The following MAP6 variants were observed in gnomAD, a reference collection of about 807,000 sequenced individuals.
MAP6 encodes microtubule-associated protein 6.
In MAP6, 26 loss-of-function variants were observed where a neutral mutation model predicts 42.4. That is an observed-to-expected ratio of 0.61 (90% confidence interval 0.45 to 0.85). The LOEUF (loss-of-function observed/expected upper bound fraction) is 0.85, where lower values mean the gene tolerates loss of function less well. MAP6 is among the 40% of genes least tolerant of loss of function. The pLI is 0.00. For synonymous variants in MAP6, 418 were observed against 443.8 expected (o/e 0.94, Z 0.73); for missense variants, 966 against 1,099.0 (o/e 0.88, Z 1.71).
At chr11:75,623,805 G>A (rs536948377) in intron 1 of MAP6, among the ~76,000 whole-genome samples, 1 of 152,292 alleles carries the variant, frequency 6.6e-6, no homozygotes, top group South Asian at 2.1e-4. Flanking sequence ...TGCCTCCCGG[G>A]TTCAAGCAAT....
chr11:75,645,021 A>T (rs1025252857), intron 1 of MAP6, among the ~76,000 whole-genome samples: 4 of 152,208 alleles, frequency 2.6e-5, no homozygotes, highest in African/African-American at 9.7e-5. Flanking sequence ...CCACAGACCT[A>T]GGCATGGATT....
intron 1 of MAP6, among the ~76,000 whole-genome samples, chr11:75,634,937 C>T (rs1943344463): frequency 6.6e-6 from 1 of 152,150 alleles, no homozygotes; most frequent in Admixed American, 6.5e-5. Flanking sequence ...TAATTACCAA[C>T]ATTGTAATTA....
intron 3 of MAP6, among the ~76,000 whole-genome samples, chr11:75,590,549 C>A (rs1942459474): frequency 6.6e-6 from 1 of 152,170 alleles, no homozygotes; most frequent in Non-Finnish European, 1.5e-5. Flanking sequence ...GAGCTAGCCT[C>A]AACTTTGCAT....
chr11:75,600,331 G>A (rs557454779), intron 3 of MAP6, among the ~76,000 whole-genome samples: 4 of 152,296 alleles, frequency 2.6e-5, no homozygotes, highest in East Asian at 1.9e-4. Context: ...TTCCACTCAC[G>A]AACTTTGTAA....
intron 1 of MAP6, among the ~76,000 whole-genome samples, chr11:75,635,052 T>TCGGTGAAC (rs1943346210): frequency 6.6e-6 from 1 of 152,186 alleles, no homozygotes; most frequent in South Asian, 2.1e-4. Flanking sequence ...TCTGTGAAAG[T>TCGGTGAAC]CGGTGAACCG....
At position 75,668,052 on chromosome 11, in the gene MAP6, CGGGCCCGGCCCGCTCCGGCCG is replaced by C; in HGVS notation, c.297_317del (p.Arg101_Gly107del). 1.6e-6 allele frequency: 2 copies of C among 1,225,378 alleles called. No homozygotes were observed. Among genetic ancestry groups the C allele is most frequent in the East Asian group, 6.5e-5 (2 of 30,810 alleles). 75.9% of individuals were successfully genotyped at this position (1,225,378 alleles called of 1,614,324 possible). A position where few individuals can be genotyped will look rare whatever the true frequency, so the allele number is the denominator to read the frequency against. ...CGGAGGTGGAGCCGGAGCCCAGGCC[CGGGCCCGGCCCGCTCCGGCCG>C]GGGCCCGCCGCCGGCTCGCGCTCGC... is the stretch of plus-strand genomic sequence containing the variant. On this transcript the variant is annotated inframe_deletion, in exon 1 of 4. Transcript: ENST00000304771.
chr11:75,610,396 T>C (rs1241771986), intron 1 of MAP6, among the ~76,000 whole-genome samples: 3 of 152,210 alleles, frequency 2.0e-5, no homozygotes, highest in Non-Finnish European at 4.4e-5. Context: ...TCACGAAATA[T>C]GTACTGAGTG....
At chr11:75,598,173 T>A (rs941316092) in intron 3 of MAP6, among the ~76,000 whole-genome samples, 1 of 152,262 alleles carries the variant, frequency 6.6e-6, no homozygotes, top group Non-Finnish European at 1.5e-5. Context: ...GGGAACCAAA[T>A]ATATTCGAAG....
Position 75,667,454 on chromosome 11 carries a change from C to T in MAP6, c.905+11G>A. On this transcript the variant is annotated intron_variant, in intron 1 of 3. Transcript: ENST00000304771. This position sits in a 1 kb window ranked among gnomAD's most constrained non-coding sequence, Gnocchi z 5.6. ...GGTGACTCCCCCGCGCTAGCAGCGG[C>T]CGCGTCTCACCTGTAGGAGCTGCTC... 6.8e-7 allele frequency: 1 copy of T among 1,473,510 alleles called. No individual in the cohort carries two copies. The highest frequency in any genetic ancestry group is 8.9e-7 in the Non-Finnish European group (1 of 1,119,538). 91.3% of individuals were successfully genotyped at this position (1,473,510 alleles called of 1,614,324 possible). A position where few individuals can be genotyped will look rare whatever the true frequency, so the allele number is the denominator to read the frequency against.
intron 2 of MAP6, chr11:75,607,148 G>A (rs1942794802): frequency 1.2e-6 from 1 of 859,282 alleles, no homozygotes; most frequent in Non-Finnish European, 1.4e-6. Context: ...GAGGTTTCCT[G>A]GAACACAGAA....
At chr11:75,646,639 A>G (rs1943558384) in intron 1 of MAP6, among the ~76,000 whole-genome samples, 1 of 151,966 alleles carries the variant, frequency 6.6e-6, no homozygotes, top group African/African-American at 2.4e-5. Flanking sequence ...CATCTCTACT[A>G]AAAACACAAA....
chr11:75,605,830 T>G lies in MAP6; in HGVS notation c.1294A>C (p.Asn432His). The change falls in exon 3 of 4, where the codon AAT becomes CAT. Residue 432 changes from asparagine (N) to histidine (H), a missense_variant. Transcript: ENST00000304771. ...TACTCTTTCGCCTCAGCCAGTTTAT[T>G]GTTCATCTCTTTGCTTTGCTCCTTG... ...DDKEQSKEMN[N>H]KLAEAKESLA... 3 of 1,614,184 alleles carry G rather than the reference T, an allele frequency of 1.9e-6. No homozygotes were observed. The highest frequency in any genetic ancestry group is 2.5e-6 in the Non-Finnish European group (3 of 1,180,040).
chr11:75,651,440 C>T (rs891177787), intron 1 of MAP6, among the ~76,000 whole-genome samples: 4 of 152,118 alleles, frequency 2.6e-5, no homozygotes, highest in African/African-American at 9.7e-5. Context: ...TGGTAGAGCT[C>T]TCTTCTGTGC....
chr11:75,617,158 A>G (rs891920870), intron 1 of MAP6, among the ~76,000 whole-genome samples: 2 of 152,184 alleles, frequency 1.3e-5, no homozygotes, highest in African/African-American at 4.8e-5. Context: ...ACAATGTCTC[A>G]TTCAAAGAAA....
chr11:75,667,817 G>T lies in MAP6; in HGVS notation c.553C>A (p.Gln185Lys). 1 of 1,322,480 alleles carries T rather than the reference G, an allele frequency of 7.6e-7. No individual in the cohort carries two copies. Among genetic ancestry groups the T allele is most frequent in the South Asian group, 2.0e-5 (1 of 49,152 alleles). 81.9% of individuals were successfully genotyped at this position (1,322,480 alleles called of 1,614,324 possible). ...GCCCCGAGAATGGGCGCCGACGCCT[G>T]GGAGGCCGCAGAGATCTGCACGGGC... ...PKPVQISAAS[Q>K]ASAPILGAPK... Residue 185 changes from glutamine to lysine, a missense_variant, in exon 1 of 4, where the codon CAG (glutamine) becomes AAG (lysine). By Grantham distance (53) the Gln-to-Lys change is moderately conservative. Around this residue, in one of 2 missense-constraint regions of MAP6, gnomAD observed 943 missense variants for 1,049.9 expected, o/e 0.90. Transcript: ENST00000304771. The surrounding 1 kb of genome is among the most constrained non-coding windows in gnomAD (Gnocchi z 5.6).
chr11:75,661,023 T>A (rs1289693750), intron 1 of MAP6, among the ~76,000 whole-genome samples: 1 of 151,048 alleles, frequency 6.6e-6, no homozygotes, highest in Non-Finnish European at 1.5e-5. Context: ...AAAGGAGACA[T>A]AACTACAGGT....
chr11:75,611,140 C>T (rs1005784280), intron 1 of MAP6, among the ~76,000 whole-genome samples: 4 of 152,232 alleles, frequency 2.6e-5, no homozygotes, highest in African/African-American at 9.6e-5. Flanking sequence ...TCCCTCCCTC[C>T]TTCCCTCTAT....
chr11:75,604,306 T>C, intron 3 of MAP6: 1 of 985,834 alleles, frequency 1.0e-6, no homozygotes, highest in Middle Eastern at 5.2e-4. Context: ...GCTGCCTGAA[T>C]GGTCGGAGTA....
At chr11:75,607,412 A>C (rs1718450954) in intron 2 of MAP6, 1 of 985,332 alleles carries the variant, frequency 1.0e-6, no homozygotes, top group Admixed American at 6.2e-5. Flanking sequence ...GGCTTATATG[A>C]TTCCTGCTTC....
Sources: gnomAD v4.1 joint callset for allele counts (sites outside exome capture counted in the v4.1 genomes callset) on GRCh38, gnomAD v4.1.1 for gene constraint, gnomAD v4.1.1 regional missense constraint, Gnocchi (gnomAD v3.1) non-coding constraint, MANE v1.5 for transcripts, NCBI Gene and HGNC (gene_info 2026-07-23, HGNC 2026-07-21) for gene names.